The following TTLL4 variants were observed in gnomAD, a reference collection of about 807,000 sequenced individuals.
TTLL4 encodes tubulin monoglutamylase TTLL4.
A neutral mutation model predicts 122.7 loss-of-function variants in TTLL4; 85 were observed. That is an observed-to-expected ratio of 0.69 (90% CI 0.58 to 0.83). The LOEUF is 0.83. TTLL4 is among the 40% of genes least tolerant of loss of function. The pLI, the probability that TTLL4 is intolerant of heterozygous loss-of-function variation, is 0.00. For synonymous variants in TTLL4, 553 were observed against 563.0 expected (o/e 0.98, Z 0.25); for missense variants, 1,363 against 1,488.6 (o/e 0.92, Z 1.39).
At chr2:218,734,620 A>C (rs922856375) in intron 2 of TTLL4, among the ~76,000 whole-genome samples, 5 of 152,164 alleles carry the variant, frequency 3.3e-5, no homozygotes, top group African/African-American at 1.2e-4. Context: ...TGAAGAGCTG[A>C]GCTAGCATGA....
chr2:218,716,391 A>G (rs1270053851), intron 1 of TTLL4, among the ~76,000 whole-genome samples: 1 of 152,262 alleles, frequency 6.6e-6, no homozygotes, highest in African/African-American at 2.4e-5. Context: ...GATAATCAAC[A>G]TGTTCTGCAT....
chr2:218,750,235 TCTGCCAGGTTCCCCTTG>T (rs1360197528), intron 15 of TTLL4, 89 bp downstream of exon 15: 273 of 1,515,492 alleles, frequency 1.8e-4, no homozygotes, highest in Non-Finnish European at 2.3e-4. Flanking sequence ...GGTGCTCCCT[TCTGCCAGGTTCCCCTTG>T]CTGCTCAATC....
rs1243796843 is a variant in TTLL4 at position 218,747,502 on chromosome 2, A to G, written c.2250-95A>G. 8 of 1,577,142 alleles carry G rather than the reference A, an allele frequency of 5.1e-6. No homozygotes were observed. Among genetic ancestry groups the G allele is most frequent in the Non-Finnish European group, 6.0e-6 (7 of 1,158,870 alleles). ...CTTAGCCAACTGTTCTAAGGTCTTT[A>G]TCTTGGGGACTGTTAGCTGGCTTTT... On this transcript the variant is annotated intron_variant, in intron 10 of 19. Transcript: ENST00000392102. This position sits in a 1 kb window ranked among gnomAD's most constrained non-coding sequence, Gnocchi z 4.7.
At chr2:218,731,295 C>A (rs1276674755) in intron 2 of TTLL4, among the ~76,000 whole-genome samples, 1 of 151,774 alleles carries the variant, frequency 6.6e-6, no homozygotes, top group Non-Finnish European at 1.5e-5. Context: ...CCTGTAATCC[C>A]AGCTACTTGG....
intron 8 of TTLL4, chr2:218,746,790 T>A (rs2106451167): frequency 1.7e-6 from 1 of 578,964 alleles, no homozygotes; most frequent in African/African-American, 1.9e-5. Flanking sequence ...ATATCACATC[T>A]GGCTTACATT....
chr2:218,737,785 T>G lies in TTLL4; in HGVS notation c.109T>G (p.Ser37Ala), dbSNP rs767683905. 3.7e-6 allele frequency: 6 copies of G among 1,613,806 alleles called. No individual in the cohort carries two copies. The African/African-American group carries it at 8.0e-5, about 22-fold the overall frequency. ...ACCTGCCACGCCACCTGAGAAACCC[T>G]CGGAGGGCAGAGTCTGGCCTCAGGC... Reference protein sequence around the residue: ...TVPATPPEKPSEGRVWPQAHQ... With the variant: ...TVPATPPEKPAEGRVWPQAHQ... The change falls in exon 3 of 20, where the codon TCG becomes GCG. Residue 37 changes from serine to alanine, a missense_variant. This residue lies in a region of TTLL4 where 760 missense variants were observed against 808.4 expected (regional missense o/e 0.94). Transcript: ENST00000392102.
intron 1 of TTLL4, among the ~76,000 whole-genome samples, chr2:218,716,580 G>A (rs1941865316): frequency 6.6e-6 from 1 of 152,220 alleles, no homozygotes; most frequent in South Asian, 2.1e-4. Flanking sequence ...ACAAGGTCAG[G>A]AGATCGAGGC....
At position 218,747,110 on chromosome 2, in the gene TTLL4, C is replaced by T; in HGVS notation, c.2082C>T (p.Pro694=). The change falls in exon 9 of 20, where the codon CCC becomes CCT. Residue 694 remains proline (P), a synonymous_variant. Transcript: ENST00000392102. The surrounding 1 kb of genome is among the most constrained non-coding windows in gnomAD (Gnocchi z 4.7). ...RFGKKEFSFF[P]QSFILPQDAK... ...GCAAGAAGGAGTTCAGTTTCTTCCC[C>T]CAGTCCTTTATCCTGCCCCAGGACG... 8 of 1,614,212 alleles carry T rather than the reference C, an allele frequency of 5.0e-6. No homozygotes were observed. The highest frequency in any genetic ancestry group is 5.9e-6 in the Non-Finnish European group (7 of 1,180,046).
At position 218,738,346 on chromosome 2, in the gene TTLL4, T is replaced by G; in HGVS notation, c.670T>G (p.Trp224Gly). The stretch of plus-strand genomic sequence containing the variant: ...CATGCTGAATAATAATTCCTTCATG[T>G]GGCCAAATAGCACGCCAGTGCCTTT... The part of the protein sequence containing the change: ...KPMLNNNSFM[W>G]PNSTPVPLLQ... Residue 224 changes from tryptophan to glycine, a missense_variant, in exon 3 of 20, where the codon TGG becomes GGG. By Grantham distance (184) the Trp-to-Gly change is radical. This residue lies in a region of TTLL4 where 760 missense variants were observed against 808.4 expected (regional missense o/e 0.94). Coordinates refer to ENST00000392102, the MANE Select transcript of TTLL4 (RefSeq NM_014640.5). 1 of 1,614,168 alleles carries G rather than the reference T, an allele frequency of 6.2e-7. No homozygotes were observed. Among genetic ancestry groups the G allele is most frequent in the Non-Finnish European group, 8.5e-7 (1 of 1,180,038 alleles).
intron 1 of TTLL4, among the ~76,000 whole-genome samples, chr2:218,722,585 A>G (rs1214665104): frequency 6.6e-6 from 1 of 152,224 alleles, no homozygotes; most frequent in Non-Finnish European, 1.5e-5. Flanking sequence ...AAAGATCCAG[A>G]GGTGGGAACG....
chr2:218,745,866 G>A (rs1942829304), intron 7 of TTLL4, 65 bp downstream of exon 7: 2 of 1,434,566 alleles, frequency 1.4e-6, no homozygotes. Flanking sequence ...TGCATAGGGG[G>A]AGAGCTCTAG....
At chr2:218,753,773 C>A in intron 19 of TTLL4, 104 bp downstream of exon 19, 3 of 1,304,188 alleles carry the variant, frequency 2.3e-6, no homozygotes, top group Non-Finnish European at 2.2e-6. Flanking sequence ...CATTCTCCAG[C>A]TGGGGGTTGG....
downstream of TTLL4, among the ~76,000 whole-genome samples, chr2:218,757,274 CAG>C (rs1232845117): frequency 3.9e-5 from 6 of 152,148 alleles, no homozygotes; most frequent in African/African-American, 1.4e-4. Context: ...GATGCCAGAA[CAG>C]GGTCTAGATA....
intron 1 of TTLL4, among the ~76,000 whole-genome samples, chr2:218,719,931 A>G (rs1941983585): frequency 1.3e-5 from 2 of 152,276 alleles, no homozygotes; most frequent in Non-Finnish European, 2.9e-5. Flanking sequence ...ATCTAGGGGC[A>G]TGGTGGAAAT....
intron 1 of TTLL4, among the ~76,000 whole-genome samples, chr2:218,712,902 C>A (rs1423190653): frequency 6.6e-6 from 1 of 152,210 alleles, no homozygotes; most frequent in East Asian, 1.9e-4. Flanking sequence ...CTTGCCAATA[C>A]ACAATCCCAT....
At chr2:218,748,349 C>T (rs894097682) in intron 12 of TTLL4, 122 bp downstream of exon 12, 1 of 1,426,500 alleles carries the variant, frequency 7.0e-7, no homozygotes, top group Non-Finnish European at 9.3e-7. Flanking sequence ...ATAACACTTA[C>T]CAATTCAGAA....
intron 8 of TTLL4, 70 bp downstream of exon 8, chr2:218,746,301 G>A: frequency 4.0e-6 from 6 of 1,516,706 alleles, no homozygotes; most frequent in South Asian, 1.1e-5. Flanking sequence ...GATGATGTGA[G>A]TAGGGGGTAG....
In TTLL4 at chr2:218,738,323, T is replaced by A. The variant is rs774318306; in HGVS notation, c.647T>A (p.Met216Lys). 11 of 1,613,946 alleles carry A rather than the reference T, an allele frequency of 6.8e-6. No individual in the cohort carries two copies. The highest frequency in any genetic ancestry group is 1.3e-5 in the African/African-American group (1 of 74,910). Residue 216 changes from methionine (M) to lysine (K), a missense_variant, in exon 3 of 20, where the codon ATG becomes AAG. Around this residue, in one of 3 missense-constraint regions of TTLL4, gnomAD observed 760 missense variants for 808.4 expected, o/e 0.94. Coordinates refer to ENST00000392102, the MANE Select transcript of TTLL4 (RefSeq NM_014640.5). ...PSPLSSSYKP[M>K]LNNNSFMWPN... ...CCACTCTCTTCCTCCTATAAGCCCA[T>A]GCTGAATAATAATTCCTTCATGTGG...
At chr2:218,759,477 CTG>C (rs1943202506), downstream of TTLL4, among the ~76,000 whole-genome samples, 2 of 152,358 alleles carry the variant, frequency 1.3e-5, no homozygotes, top group Admixed American at 1.3e-4. Context: ...AAACAAAAGA[CTG>C]CATGCTTTGT....
Sources: gnomAD v4.1 joint callset for allele counts (sites outside exome capture counted in the v4.1 genomes callset) on GRCh38, gnomAD v4.1.1 for gene constraint, gnomAD v4.1.1 regional missense constraint, Gnocchi (gnomAD v3.1) non-coding constraint, MANE v1.5 for transcripts, NCBI Gene and HGNC (gene_info 2026-07-23, HGNC 2026-07-21) for gene names.